Variants in NR2F6 observed in about 807,000 individuals in gnomAD.
NR2F6 encodes ERBA-related gene-2.
NR2F6 carries 16 observed loss-of-function variants against 26.5 expected under a neutral mutation model. That is an observed-to-expected ratio of 0.60 (90% CI 0.41 to 0.92). The LOEUF (loss-of-function observed/expected upper bound fraction) is 0.92, where lower values mean the gene tolerates loss of function less well. NR2F6 is among the 40% of genes least tolerant of loss of function. The pLI is 0.00. For missense variants in NR2F6, 536 were observed against 631.7 expected, an observed-to-expected ratio of 0.85 and a Z score of 1.62; for synonymous variants, 325 against 305.0, an observed-to-expected ratio of 1.07 and a Z score of -0.68.
chr19:17,237,849 T>A (rs958630709), intron 2 of NR2F6, among the ~76,000 whole-genome samples: 2 of 152,100 alleles, frequency 1.3e-5, no homozygotes, highest in Non-Finnish European at 2.9e-5. Flanking sequence ...CTCAGTTTCC[T>A]CATCTGTAAA....
chr19:17,235,925 G>T lies in NR2F6; in HGVS notation c.514C>A (p.Gln172Lys). 6.8e-7 allele frequency: 1 copy of T among 1,480,910 alleles called. No individual in the cohort carries two copies. The highest frequency in any genetic ancestry group is 8.9e-7 in the Non-Finnish European group (1 of 1,122,682). 91.7% of individuals were successfully genotyped at this position (1,480,910 alleles called of 1,614,324 possible). A position where few individuals can be genotyped will look rare whatever the true frequency, so the allele number is the denominator to read the frequency against. ...PGQPVSELIA[Q>K]LLRAEPYPAA... ...GGGTAGGGCTCAGCGCGCAGCAGCT[G>T]CGCGATCAGTTCGGACACCGGCTGC... The change falls in exon 3 of 4, where the codon CAG becomes AAG. Residue 172 changes from glutamine to lysine, a missense_variant. By Grantham distance (53) the Gln-to-Lys change is moderately conservative (BLOSUM62 1). Coordinates refer to ENST00000291442, the MANE Select transcript of NR2F6 (RefSeq NM_005234.4). This position sits in a 1 kb window ranked among gnomAD's most constrained non-coding sequence, Gnocchi z 5.0.
In NR2F6 at chr19:17,232,184, A is replaced by T; in HGVS notation, c.*168T>A. The T allele has an allele frequency of 3.0e-6, 3 of 995,316 alleles. No homozygotes were observed. Among genetic ancestry groups the T allele is most frequent in the Non-Finnish European group, 2.9e-6 (2 of 697,526 alleles). The allele number at this position is 995,316 out of a possible 1,614,324, so 61.7% of individuals were successfully genotyped here. On this transcript the variant is annotated 3_prime_UTR_variant, in exon 4 of 4. Transcript: ENST00000291442. Reference sequence around the variant, plus strand: ...TGATCAGTCTCTTTTTGGTTTCATGATCATTTAAAAAACAGAAAAGACAAA... The same window carrying T: ...TGATCAGTCTCTTTTTGGTTTCATGTTCATTTAAAAAACAGAAAAGACAAA...
rs1351088220 is a variant in NR2F6, at chr19:17,245,446, G to A, written c.-226C>T. The A allele has an allele frequency of 3.8e-6, 1 of 262,154 alleles. No individual in the cohort carries two copies. Among genetic ancestry groups the A allele is most frequent in the Non-Finnish European group, 6.8e-6 (1 of 146,030 alleles). The allele number at this position is 262,154 out of a possible 1,614,324, so 16.2% of individuals were successfully genotyped here. A position where few individuals can be genotyped will look rare whatever the true frequency, so the allele number is the denominator to read the frequency against. On this transcript the variant is annotated 5_prime_UTR_variant, in exon 1 of 4. Transcript: ENST00000291442. This position sits in a 1 kb window ranked among gnomAD's most constrained non-coding sequence, Gnocchi z 5.0. ...AACTTTCCCACGCGTGCGCGGGGCC[G>A]GGCCCGGGGCCGGGAGGGGCACGCT...
In NR2F6 at chr19:17,245,432, G is replaced by A. The variant is rs1376026783; in HGVS notation, c.-212C>T. The A allele has an allele frequency of 3.4e-6, 1 of 296,606 alleles. No individual in the cohort carries two copies. Among genetic ancestry groups the A allele is most frequent in the Non-Finnish European group, 5.8e-6 (1 of 171,330 alleles). 18.4% of individuals were successfully genotyped at this position (296,606 alleles called of 1,614,324 possible). Reference sequence around the variant, plus strand: ...GCCGGTTCCAGGCCAACTTTCCCACGCGTGCGCGGGGCCGGGCCCGGGGCC... The same window carrying A: ...GCCGGTTCCAGGCCAACTTTCCCACACGTGCGCGGGGCCGGGCCCGGGGCC... On this transcript the variant is annotated 5_prime_UTR_variant, in exon 1 of 4. Coordinates refer to ENST00000291442, the MANE Select transcript of NR2F6 (RefSeq NM_005234.4). This position sits in a 1 kb window ranked among gnomAD's most constrained non-coding sequence, Gnocchi z 5.0.
At position 17,245,254 on chromosome 19, in the gene NR2F6, C is replaced by A. The variant is rs1023008870; in HGVS notation, c.-34G>T. ...GGCAGCGGGGCCGGGGCGCCCCCACCGCGCTCTTCCCTCCGGGCACCCCTC... is the reference window on the plus strand; with the variant it reads ...GGCAGCGGGGCCGGGGCGCCCCCACAGCGCTCTTCCCTCCGGGCACCCCTC... On this transcript the variant is annotated 5_prime_UTR_variant, in exon 1 of 4. Transcript: ENST00000291442. This position sits in a 1 kb window ranked among gnomAD's most constrained non-coding sequence, Gnocchi z 5.0. 3.1e-5 allele frequency: 38 copies of A among 1,225,916 alleles called. No homozygotes were observed. Among genetic ancestry groups the A allele is most frequent in the Admixed American group, 1.8e-4 (4 of 22,374 alleles). The allele number at this position is 1,225,916 out of a possible 1,614,324, so 75.9% of individuals were successfully genotyped here.
In NR2F6 at chr19:17,235,615, G is replaced by C; in HGVS notation, c.824C>G (p.Ala275Gly). 6.4e-7 allele frequency: 1 copy of C among 1,556,566 alleles called. No individual in the cohort carries two copies. The highest frequency in any genetic ancestry group is 1.2e-5 in the South Asian group (1 of 86,586). ...LHAAPMAAER[A>G]VAFMDQVRAF... ...GCGCACCTGGTCCATGAAAGCCACG[G>C]CGCGCTCGGCGGCCATAGGCGCGGC... The change falls in exon 3 of 4, where the codon GCC becomes GGC. Residue 275 changes from alanine (A) to glycine (G), a missense_variant. Physicochemically the swap from Ala to Gly is moderately conservative, Grantham distance 60. Transcript: ENST00000291442. This position sits in a 1 kb window ranked among gnomAD's most constrained non-coding sequence, Gnocchi z 5.0.
Position 17,235,443 on chromosome 19 carries a change from C to T in NR2F6, c.940+56G>A. The T allele has an allele frequency of 6.5e-7, 1 of 1,531,362 alleles. No individual in the cohort carries two copies. Among genetic ancestry groups the T allele is most frequent in the East Asian group, 2.5e-5 (1 of 40,240 alleles). 94.9% of individuals were successfully genotyped at this position (1,531,362 alleles called of 1,614,324 possible). On this transcript the variant is annotated intron_variant, in intron 3 of 3. Coordinates refer to ENST00000291442, the MANE Select transcript of NR2F6 (RefSeq NM_005234.4). This position sits in a 1 kb window ranked among gnomAD's most constrained non-coding sequence, Gnocchi z 5.0. Reference sequence around the variant, plus strand: ...CGGAGTCTGGGTCCAGGCCGCCCTCCTCCTAACCTCCCTTGGGTCCCCCCA... The same window carrying T: ...CGGAGTCTGGGTCCAGGCCGCCCTCTTCCTAACCTCCCTTGGGTCCCCCCA...
rs886592344 is a variant in NR2F6, at chr19:17,235,156, C to T, written c.940+343G>A. Among the ~76,000 whole-genome samples, 2 of 152,232 alleles carry T rather than the reference C, an allele frequency of 1.3e-5. No homozygotes were observed. The highest frequency in any genetic ancestry group is 4.8e-5 in the African/African-American group (2 of 41,470). On this transcript the variant is annotated intron_variant, in intron 3 of 3. Transcript: ENST00000291442. The surrounding 1 kb of genome is among the most constrained non-coding windows in gnomAD (Gnocchi z 5.0). ...CCTTGTGCTATCAGTGCTCACTAAG[C>T]CTGAAGAGCCCTTTGGTGAGGGAGT...
chr19:17,238,487 C>G (rs759144828), intron 2 of NR2F6, among the ~76,000 whole-genome samples: 3 of 152,110 alleles, frequency 2.0e-5, no homozygotes, highest in African/African-American at 7.2e-5. Flanking sequence ...GGGAAGAGCC[C>G]GTGCAAAGGA....
At chr19:17,236,493 C>G (rs1379337789) in intron 2 of NR2F6, among the ~76,000 whole-genome samples, 1 of 152,170 alleles carries the variant, frequency 6.6e-6, no homozygotes, top group South Asian at 2.1e-4. Flanking sequence ...CACCACCCCC[C>G]ACCCCCAGCT....
In NR2F6 at chr19:17,245,108, G is replaced by C. The variant is rs1163009836; in HGVS notation, c.113C>G (p.Ala38Gly). The change falls in exon 1 of 4, where the codon GCC becomes GGC. Residue 38 changes from alanine (A) to glycine (G), a missense_variant. Transcript: ENST00000291442. This position sits in a 1 kb window ranked among gnomAD's most constrained non-coding sequence, Gnocchi z 5.0. ...AEDDSASPPG[A>G]ASDAEPGDEE... ...GTCGCCCGGCTCGGCGTCGCTGGCG[G>C]CACCGGGGGGCGAGGCCGAGTCGTC... 2 of 1,549,170 alleles carry C rather than the reference G, an allele frequency of 1.3e-6. No individual in the cohort carries two copies. Among genetic ancestry groups the C allele is most frequent in the Admixed American group, 1.9e-5 (1 of 51,706 alleles).
chr19:17,242,029 A>G (rs60032160), intron 1 of NR2F6, among the ~76,000 whole-genome samples: 6,104 of 150,612 alleles, frequency 0.041, 363 homozygotes, highest in African/African-American at 0.13. Context: ...AAAAAAGAAA[A>G]AAAAAAAGGC....
At chr19:17,234,510 G>C (rs1361542868) in intron 3 of NR2F6, among the ~76,000 whole-genome samples, 1 of 152,116 alleles carries the variant, frequency 6.6e-6, no homozygotes, top group Non-Finnish European at 1.5e-5. Flanking sequence ...CCTCTGATGG[G>C]ATCTAGAGAC....
At chr19:17,244,830 G>A (rs1356744713) in intron 1 of NR2F6, 113 bp downstream of exon 1, 4 of 1,261,678 alleles carry the variant, frequency 3.2e-6, no homozygotes, top group Middle Eastern at 2.5e-4. Flanking sequence ...CTCAGAGGGG[G>A]CAGTGGAGGC....
rs1599451937 is a variant in NR2F6 at position 17,232,655 on chromosome 19, T to C, written c.941-29A>G. The C allele has an allele frequency of 2.0e-6, 3 of 1,512,572 alleles. No individual in the cohort carries two copies. The South Asian group carries it at 3.9e-5, about 20-fold the overall frequency. The allele number at this position is 1,512,572 out of a possible 1,614,324, so 93.7% of individuals were successfully genotyped here. On this transcript the variant is annotated intron_variant, in intron 3 of 3. Coordinates refer to ENST00000291442, the MANE Select transcript of NR2F6 (RefSeq NM_005234.4). ...GGGGGACAAAGGCAAGTCAGACAGG[T>C]GGGAGGCAGCTAGAGAACACAGAGC...
rs1380795138 is a variant in NR2F6 at position 17,240,872 on chromosome 19, C to T, written c.279-107G>A. On this transcript the variant is annotated intron_variant, in intron 1 of 3. Coordinates refer to ENST00000291442, the MANE Select transcript of NR2F6 (RefSeq NM_005234.4). Reference sequence around the variant, plus strand: ...TGCCCCTCAGAAATACTAGTAGGGGCCCTCTAGACTGGAGAGGTAGCCCCA... The same window carrying T: ...TGCCCCTCAGAAATACTAGTAGGGGTCCTCTAGACTGGAGAGGTAGCCCCA... 6 of 1,079,112 alleles carry T rather than the reference C, an allele frequency of 5.6e-6. No individual in the cohort carries two copies. The East Asian group carries it at 1.5e-4, about 26-fold the overall frequency. The allele number at this position is 1,079,112 out of a possible 1,614,324, so 66.8% of individuals were successfully genotyped here. A position where few individuals can be genotyped will look rare whatever the true frequency, so the allele number is the denominator to read the frequency against.
intron 2 of NR2F6, among the ~76,000 whole-genome samples, chr19:17,239,962 G>A (rs528410379): frequency 3.9e-5 from 6 of 152,160 alleles, no homozygotes; most frequent in Non-Finnish European, 7.3e-5. Context: ...AGGAGATCTC[G>A]TCCAATAGGC....
In NR2F6 at chr19:17,240,577, G is replaced by C. The variant is rs946979436; in HGVS notation, c.373+94C>G. On this transcript the variant is annotated intron_variant, in intron 2 of 3. Transcript: ENST00000291442. ...CCAGACCCCTGTGAAAGGGAGGGGT[G>C]AAAGGGAGGGGAAAAAGGGGAGGAA... 5.0e-6 allele frequency: 6 copies of C among 1,194,298 alleles called. No homozygotes were observed. The African/African-American group carries it at 9.2e-5, about 18-fold the overall frequency. The allele number at this position is 1,194,298 out of a possible 1,614,324, so 74.0% of individuals were successfully genotyped here. A position where few individuals can be genotyped will look rare whatever the true frequency, so the allele number is the denominator to read the frequency against.
At chr19:17,234,115 C>T (rs868368322) in intron 3 of NR2F6, among the ~76,000 whole-genome samples, 1 of 151,360 alleles carries the variant, frequency 6.6e-6, no homozygotes, top group African/African-American at 2.4e-5. Flanking sequence ...CCCAGCTACT[C>T]AGGAGGCTGA....
Sources: gnomAD v4.1 joint callset for allele counts (sites outside exome capture counted in the v4.1 genomes callset) on GRCh38, gnomAD v4.1.1 for gene constraint, Gnocchi (gnomAD v3.1) non-coding constraint, MANE v1.5 for transcripts, NCBI Gene and HGNC (gene_info 2026-07-23, HGNC 2026-07-21) for gene names.